PCDHA1: variants seen among roughly 807,000 people sequenced by gnomAD.
The protein encoded by PCDHA1 is protocadherin alpha-1.
Under a neutral mutation model 61.3 loss-of-function variants are expected in PCDHA1, and 42 were observed. The observed-to-expected ratio is 0.69, with a 90% CI of 0.54 to 0.89. The LOEUF (loss-of-function observed/expected upper bound fraction) is 0.89. Ranked by LOEUF, PCDHA1 falls within the 40% of genes least tolerant of loss-of-function variation. The probability of loss-of-function intolerance (pLI) is 0.00; values close to 1 mark genes in which losing one functional copy is unlikely to be tolerated. For missense variants in PCDHA1, 1,256 were observed against 1,235.3 expected (o/e 1.02, Z -0.25); for synonymous variants, 610 against 553.8 (o/e 1.10, Z -1.43).
chr5:140,908,763 G>A (rs1159029668), intron 1 of PCDHA1, among the ~76,000 whole-genome samples: 5 of 152,284 alleles, frequency 3.3e-5, no homozygotes, highest in East Asian at 3.9e-4. Context: ...CAGCCTGGAC[G>A]TGTTGTAGAG....
intron 1 of PCDHA1, chr5:140,836,332 T>C (rs2150258033): frequency 1.2e-6 from 2 of 1,613,714 alleles, no homozygotes; most frequent in Non-Finnish European, 1.7e-6. Context: ...CTTCTGGTGC[T>C]TGTGAAGGAC....
At chr5:140,829,655 C>T (rs1581885060) in intron 1 of PCDHA1, 2 of 1,612,510 alleles carry the variant, frequency 1.2e-6, no homozygotes, top group Non-Finnish European at 8.5e-7. Flanking sequence ...CGCGCTGCAG[C>T]CGCTGGACCA....
At chr5:140,870,491 T>C (rs781889223) in intron 1 of PCDHA1, 10 of 1,614,076 alleles carry the variant, frequency 6.2e-6, no homozygotes, top group Non-Finnish European at 8.5e-6. Context: ...ACCGTGTTCG[T>C]GAAGGAGAAC....
chr5:140,821,079 T>C (rs1277092432), intron 1 of PCDHA1, among the ~76,000 whole-genome samples: 1 of 152,052 alleles, frequency 6.6e-6, no homozygotes, highest in Non-Finnish European at 1.5e-5. Context: ...TAGTTGTTTT[T>C]GAAAATAACA....
intron 1 of PCDHA1, chr5:140,967,118 C>T: frequency 6.2e-7 from 1 of 1,612,940 alleles, no homozygotes; most frequent in Non-Finnish European, 8.5e-7. Context: ...GCCTCGCTGC[C>T]TGCTCAGCTT....
At chr5:140,822,430 C>T (rs2150116302) in intron 1 of PCDHA1, 2 of 1,613,920 alleles carry the variant, frequency 1.2e-6, no homozygotes, top group Non-Finnish European at 1.7e-6. Flanking sequence ...TGGAGGAAAA[C>T]CCGAACTAAC....
At chr5:140,972,854 G>C (rs895738831) in intron 1 of PCDHA1, among the ~76,000 whole-genome samples, 1 of 151,946 alleles carries the variant, frequency 6.6e-6, no homozygotes, top group African/African-American at 2.4e-5. Context: ...AGTAGAGATG[G>C]GGTTTCATCA....
Position 140,968,192 on chromosome 5 carries a change from A to G in PCDHA1, c.2395-10757A>G, listed in dbSNP as rs555596025. The G allele has an allele frequency of 2.5e-6, 4 of 1,614,038 alleles. No individual in the cohort carries two copies. The Admixed American group carries it at 5.0e-5, about 20-fold the overall frequency. ...AAGCTTCCTGGAGGACTCCTATTCC[A>G]TCTACATACAGGAGAACAATTTGCC... On this transcript the variant is annotated intron_variant, in intron 1 of 3. Coordinates refer to ENST00000504120, the MANE Select transcript of PCDHA1 (RefSeq NM_018900.4).
chr5:140,987,797 T>A (rs967250070), intron 3 of PCDHA1, among the ~76,000 whole-genome samples: 23 of 152,308 alleles, frequency 1.5e-4, no homozygotes, highest in African/African-American at 4.3e-4. Flanking sequence ...AAGATTTTTT[T>A]AAAGTGCCTG....
intron 1 of PCDHA1, chr5:140,878,201 T>C (rs1157119125): frequency 6.1e-6 from 1 of 164,102 alleles, no homozygotes; most frequent in African/African-American, 2.4e-5. Context: ...GTTGCAAGAA[T>C]GGTACAAAGA....
intron 1 of PCDHA1, chr5:140,858,217 G>A: frequency 1.3e-6 from 2 of 1,595,954 alleles, no homozygotes; most frequent in Non-Finnish European, 1.7e-6. Flanking sequence ...GGTGCTCGGC[G>A]GCGCCCACCG....
At chr5:140,795,158 G>C in intron 1 of PCDHA1, 1 of 1,614,052 alleles carries the variant, frequency 6.2e-7, no homozygotes, top group Non-Finnish European at 8.5e-7. Context: ...CGCCTGTTCC[G>C]GGTGGCGTCC....
At chr5:140,860,513 C>A (rs1176536406) in intron 1 of PCDHA1, 3 of 152,110 alleles carry the variant, frequency 2.0e-5, no homozygotes, top group African/African-American at 7.2e-5. Context: ...AGATAAAACT[C>A]TTCATGGAAT....
chr5:140,838,880 A>T (rs959221934), intron 1 of PCDHA1, among the ~76,000 whole-genome samples: 5 of 151,848 alleles, frequency 3.3e-5, no homozygotes. Context: ...ATGCCACTGA[A>T]CTCCAGCCTA....
At chr5:140,830,452 G>T in intron 1 of PCDHA1, 2 of 1,597,312 alleles carry the variant, frequency 1.3e-6, no homozygotes, top group South Asian at 2.3e-5. Context: ...GTAAGGCGGA[G>T]AATCAGGATT....
chr5:140,849,912 C>T (rs1318290193), intron 1 of PCDHA1: 4 of 1,598,150 alleles, frequency 2.5e-6, no homozygotes, highest in Admixed American at 1.7e-5. Context: ...GCCGGGCTGC[C>T]ACATCTTCAC....
At chr5:140,869,561 C>T (rs781968482) in intron 1 of PCDHA1, 28 of 1,614,032 alleles carry the variant, frequency 1.7e-5, no homozygotes, top group Middle Eastern at 1.6e-4. Context: ...TCGCGTTTTC[C>T]ACTAGAGGGA....
At chr5:140,889,677 A>C (rs2062337974) in intron 1 of PCDHA1, among the ~76,000 whole-genome samples, 1 of 152,018 alleles carries the variant, frequency 6.6e-6, no homozygotes, top group Non-Finnish European at 1.5e-5. Flanking sequence ...TTTTATTTTA[A>C]ACCTTTTAGT....
chr5:140,810,442 A>T (rs372953420), intron 1 of PCDHA1: 3 of 152,218 alleles, frequency 2.0e-5, no homozygotes, highest in Non-Finnish European at 4.4e-5. Context: ...ACCTGTTTAC[A>T]TTCCTAGTAG....
Sources: allele counts gnomAD v4.1 joint callset (sites outside exome capture counted in the v4.1 genomes callset), GRCh38; gene constraint gnomAD v4.1.1; transcripts MANE v1.5; gene names NCBI Gene and HGNC (gene_info 2026-07-23, HGNC 2026-07-21).